Variants in PTPN13 observed in about 807,000 individuals in gnomAD.
PTPN13 encodes protein tyrosine phosphatase non-receptor type 13, also known as tyrosine-protein phosphatase non-receptor type 13.
PTPN13 carries 191 observed loss-of-function variants against 284.0 expected under a neutral mutation model. The observed-to-expected ratio is 0.67, with a 90% CI of 0.60 to 0.76. The LOEUF (loss-of-function observed/expected upper bound fraction) is 0.76, where lower values mean the gene tolerates loss of function less well. Among genes scored for constraint, PTPN13 ranks in the 30% least tolerant of loss-of-function variants. The probability of loss-of-function intolerance (pLI) is 0.00; values close to 1 mark genes in which losing one functional copy is unlikely to be tolerated. For missense variants in PTPN13, 2,797 were observed against 2,939.9 expected (o/e 0.95, Z 1.12); for synonymous variants, 986 against 1,022.3 (o/e 0.96, Z 0.68).
At position 86,701,671 on chromosome 4, in the gene PTPN13, C is replaced by A. The variant is rs114301539; in HGVS notation, c.1065C>A (p.Gly355=). The A allele has an allele frequency of 7.8e-4, 1,265 of 1,613,814 alleles. 5 individuals carry two copies. In the African/African-American group the frequency reaches 0.01, roughly 13 times the overall value. The change falls in exon 7 of 48, where the codon GGC becomes GGA. Residue 355 remains glycine (G), a synonymous_variant. Coordinates refer to ENST00000411767, the MANE Select transcript of PTPN13 (RefSeq NM_080683.3). ...GAAGTATAGCCTTGGATATCTTTGG[C>A]CCTCAGAAAATGGATCCAATATATC... ...SDGSIALDIF[G]PQKMDPIYHT... is the part of the protein sequence containing the mutation.
intron 36 of PTPN13, among the ~76,000 whole-genome samples, chr4:86,781,663 T>C (rs1018185232): frequency 2.0e-5 from 3 of 152,208 alleles, no homozygotes; most frequent in Admixed American, 6.5e-5. Flanking sequence ...TGAGCTTTGA[T>C]GTGAACTATT....
chr4:86,688,685 G>T (rs1729692918), intron 4 of PTPN13, among the ~76,000 whole-genome samples: 1 of 152,098 alleles, frequency 6.6e-6, no homozygotes, highest in South Asian at 2.1e-4. Context: ...ATGTTTGTGT[G>T]TGCGTGTGTA....
intron 1 of PTPN13, among the ~76,000 whole-genome samples, chr4:86,601,225 T>C (rs1291143619): frequency 4.6e-5 from 7 of 152,068 alleles, no homozygotes; most frequent in Admixed American, 4.6e-4. Flanking sequence ...ATCACTATGA[T>C]AATATAATAG....
chr4:86,607,749 A>T (rs1361620535), intron 1 of PTPN13, among the ~76,000 whole-genome samples: 1 of 152,024 alleles, frequency 6.6e-6, no homozygotes, highest in Non-Finnish European at 1.5e-5. Flanking sequence ...TAAATTCATG[A>T]GTTTTTTTAT....
At chr4:86,670,485 T>C (rs1727611196) in intron 2 of PTPN13, among the ~76,000 whole-genome samples, 1 of 151,964 alleles carries the variant, frequency 6.6e-6, no homozygotes, top group African/African-American at 2.4e-5. Context: ...GTCCTCTTTT[T>C]CTGTCACTCC....
intron 1 of PTPN13, among the ~76,000 whole-genome samples, chr4:86,615,591 C>T (rs1167022666): frequency 6.6e-6 from 1 of 152,066 alleles, no homozygotes; most frequent in Non-Finnish European, 1.5e-5. Flanking sequence ...TGTTAGAGGT[C>T]CTCTGAGGCC....
At chr4:86,680,470 C>T (rs1056135462) in intron 3 of PTPN13, among the ~76,000 whole-genome samples, 7 of 151,862 alleles carry the variant, frequency 4.6e-5, no homozygotes, top group Admixed American at 6.6e-5. Context: ...GCCTGAATTT[C>T]TCAAGTCTGC....
chr4:86,780,090 T>C (rs1242332892), intron 35 of PTPN13, among the ~76,000 whole-genome samples: 1 of 152,116 alleles, frequency 6.6e-6, no homozygotes, highest in Non-Finnish European at 1.5e-5. Flanking sequence ...TGATTCTTAA[T>C]CTTTTTTGGG....
chr4:86,757,639 C>T (rs1738129059), intron 20 of PTPN13, among the ~76,000 whole-genome samples: 1 of 151,818 alleles, frequency 6.6e-6, no homozygotes, highest in Admixed American at 6.6e-5. Flanking sequence ...TGGCACGTGC[C>T]TGTCGTACTA....
chr4:86,787,552 A>G (rs1742088642), intron 40 of PTPN13, among the ~76,000 whole-genome samples: 1 of 151,078 alleles, frequency 6.6e-6, no homozygotes. Context: ...AAATCACGCC[A>G]TTGCCCTCCA....
intron 28 of PTPN13, among the ~76,000 whole-genome samples, chr4:86,768,760 G>T (rs1198136828): frequency 1.3e-5 from 2 of 148,908 alleles, no homozygotes; most frequent in African/African-American, 2.5e-5. Flanking sequence ...GCCCAGGCTG[G>T]AGTACAGTGG....
chr4:86,779,331 G>A (rs1365449025), intron 35 of PTPN13, among the ~76,000 whole-genome samples: 1 of 151,810 alleles, frequency 6.6e-6, no homozygotes, highest in East Asian at 1.9e-4. Context: ...GCAGGAGAAT[G>A]GCGTGAACCC....
intron 3 of PTPN13, among the ~76,000 whole-genome samples, chr4:86,674,681 G>A (rs1728085120): frequency 6.6e-6 from 1 of 152,144 alleles, no homozygotes; most frequent in African/African-American, 2.4e-5. Flanking sequence ...AATGCTTAAG[G>A]CATTAGACTA....
At chr4:86,792,592 T>C (rs1052922269) in intron 40 of PTPN13, among the ~76,000 whole-genome samples, 2 of 152,076 alleles carry the variant, frequency 1.3e-5, no homozygotes. Context: ...GAAAAAATGT[T>C]AAGTGTGCAG....
intron 15 of PTPN13, among the ~76,000 whole-genome samples, chr4:86,741,041 T>C (rs1287306883): frequency 6.6e-6 from 1 of 152,216 alleles, no homozygotes; most frequent in Non-Finnish European, 1.5e-5. Context: ...CATATCACTA[T>C]CAGCATTTTT....
chr4:86,611,639 A>G (rs1485528173), intron 1 of PTPN13, among the ~76,000 whole-genome samples: 1 of 152,208 alleles, frequency 6.6e-6, no homozygotes, highest in Non-Finnish European at 1.5e-5. Context: ...CCTTATCACT[A>G]CCTCTACTTA....
chr4:86,744,779 G>A (rs1383402991), intron 16 of PTPN13, among the ~76,000 whole-genome samples, 187 bp from the exon 17 acceptor site: 2 of 152,118 alleles, frequency 1.3e-5, no homozygotes, highest in Admixed American at 1.3e-4. Flanking sequence ...GTACACTTCA[G>A]GATGTTTGCA....
intron 1 of PTPN13, among the ~76,000 whole-genome samples, chr4:86,634,573 A>G (rs1002677329): frequency 1.3e-5 from 2 of 152,136 alleles, no homozygotes; most frequent in Admixed American, 6.6e-5. Context: ...AAGCATAGCC[A>G]CTTCCCTTGT....
At chr4:86,798,669 G>C (rs1578703830) in intron 41 of PTPN13, among the ~76,000 whole-genome samples, 1 of 152,216 alleles carries the variant, frequency 6.6e-6, no homozygotes, top group East Asian at 1.9e-4. Context: ...GTGTCCTTCT[G>C]GCCTCCTGTT....
Sources: allele counts gnomAD v4.1 joint callset (sites outside exome capture counted in the v4.1 genomes callset), GRCh38; gene constraint gnomAD v4.1.1; transcripts MANE v1.5; gene names NCBI Gene and HGNC (gene_info 2026-07-23, HGNC 2026-07-21).